The following FARP1 variants were observed in gnomAD, a reference collection of about 807,000 sequenced individuals.
FARP1 encodes the protein FERM, ARH/RhoGEF and pleckstrin domain protein 1.
A neutral mutation model predicts 128.8 loss-of-function variants in FARP1; 52 were observed. The observed-to-expected ratio is 0.40, with a 90% CI of 0.32 to 0.51. The LOEUF (loss-of-function observed/expected upper bound fraction) is 0.51, where lower values mean the gene tolerates loss of function less well. Ranked by LOEUF, FARP1 falls within the 20% of genes least tolerant of loss-of-function variation. The pLI is 0.45. For missense variants in FARP1, 1,333 were observed against 1,367.9 expected, an observed-to-expected ratio of 0.97 and a Z score of 0.40; for synonymous variants, 580 against 551.8, an observed-to-expected ratio of 1.05 and a Z score of -0.72.
chr13:98,448,221 G>A lies in FARP1; in HGVS notation c.3057-15G>A, dbSNP rs758536289. On this transcript the variant is annotated splice_polypyrimidine_tract_variant and intron_variant, in intron 26 of 26. Transcript: ENST00000319562. ...CCAAACAAAAGGTTGACTAACTGGC[G>A]TTCCCGTGTTGCAGGTGGATGGAAG... is the stretch of plus-strand genomic sequence containing the variant. The A allele has an allele frequency of 1.6e-5, 26 of 1,610,970 alleles. No individual in the cohort carries two copies. The East Asian group carries it at 3.1e-4, about 19-fold the overall frequency.
chr13:98,335,623 C>G (rs1887706835), intron 2 of FARP1, among the ~76,000 whole-genome samples: 2 of 152,156 alleles, frequency 1.3e-5, no homozygotes, highest in African/African-American at 2.4e-5. Context: ...TCTTGCTTTC[C>G]TTTCTGTCTG....
intron 6 of FARP1, among the ~76,000 whole-genome samples, chr13:98,378,951 TATATATA>T (rs1889722070): frequency 9.0e-6 from 1 of 110,652 alleles, no homozygotes; most frequent in Non-Finnish European, 1.7e-5. Context: ...ATATATAATA[TATATATA>T]ATATATACAA....
chr13:98,370,610 G>T (rs1329062418), intron 5 of FARP1, among the ~76,000 whole-genome samples: 2 of 151,822 alleles, frequency 1.3e-5, no homozygotes, highest in Non-Finnish European at 2.9e-5. Flanking sequence ...ACTAAAATGA[G>T]AAAAGGATGG....
chr13:98,166,725 T>TTTC (rs1877290178), intron 1 of FARP1, among the ~76,000 whole-genome samples: 1 of 97,438 alleles, frequency 1.0e-5, no homozygotes, highest in African/African-American at 8.7e-5. Context: ...TTTTTCTTTC[T>TTTC]TTTTTTTTTT....
chr13:98,197,233 G>A (rs1879616162), intron 1 of FARP1, among the ~76,000 whole-genome samples: 2 of 152,170 alleles, frequency 1.3e-5, no homozygotes, highest in Admixed American at 1.3e-4. Flanking sequence ...TTGGGAGGCC[G>A]AGGTGGGTGG....
chr13:98,256,948 GATATATATATATATATATATAT>G lies in FARP1; in HGVS notation c.171+43557_171+43578del, dbSNP rs56701739. 2.5e-3 allele frequency among the ~76,000 whole-genome samples: 190 copies of G among 77,096 alleles called. 9 individuals are homozygous for G. The highest frequency in any genetic ancestry group is 5.2e-3 in the South Asian group (10 of 1,914). 50.6% of individuals were successfully genotyped at this position (77,096 alleles called of 152,430 possible). On this transcript the variant is annotated intron_variant, in intron 2 of 26. Transcript: ENST00000319562. ...CAATAATTTTCAAAGTATATATGTG[GATATATATATATATATATATAT>G]ATATATATATATATATATATACCGA... is the stretch of plus-strand genomic sequence containing the variant.
intron 1 of FARP1, among the ~76,000 whole-genome samples, chr13:98,183,869 C>G (rs1179964611): frequency 6.6e-6 from 1 of 152,148 alleles, no homozygotes; most frequent in Admixed American, 6.5e-5. Flanking sequence ...GCTTGTGTGT[C>G]TCTCTCACAG....
At chr13:98,207,102 C>T (rs116390878) in intron 1 of FARP1, among the ~76,000 whole-genome samples, 2,320 of 152,248 alleles carry the variant, frequency 0.015, 54 homozygotes, top group African/African-American at 0.053. Context: ...GTTCCCTTAG[C>T]GTTCTTAGGA....
At chr13:98,230,165 C>G (rs1454347043) in intron 2 of FARP1, among the ~76,000 whole-genome samples, 1 of 152,174 alleles carries the variant, frequency 6.6e-6, no homozygotes, top group African/African-American at 2.4e-5. Flanking sequence ...TTGTCATTGT[C>G]TGTGAGCCTG....
chr13:98,374,828 A>G (rs751407391), intron 5 of FARP1, among the ~76,000 whole-genome samples: 2 of 152,240 alleles, frequency 1.3e-5, no homozygotes, highest in Non-Finnish European at 2.9e-5. Flanking sequence ...CACTCGTGGT[A>G]GAAGGCAAAG....
At chr13:98,226,472 T>TC (rs1456634155) in intron 2 of FARP1, among the ~76,000 whole-genome samples, 1 of 142,044 alleles carries the variant, frequency 7.0e-6, no homozygotes, top group South Asian at 2.2e-4. Flanking sequence ...GATTAGGACT[T>TC]CATCTTTTTT....
intron 2 of FARP1, among the ~76,000 whole-genome samples, chr13:98,242,847 T>C (rs1882852187): frequency 6.6e-6 from 1 of 152,266 alleles, no homozygotes; most frequent in African/African-American, 2.4e-5. Flanking sequence ...TATGTGTATC[T>C]ACATTATCTG....
chr13:98,223,156 C>T (rs1881530076), intron 2 of FARP1, among the ~76,000 whole-genome samples: 1 of 152,194 alleles, frequency 6.6e-6, no homozygotes, highest in Non-Finnish European at 1.5e-5. Context: ...AGGGAGCCCC[C>T]CAGGAGTGGG....
chr13:98,213,111 G>C, intron 1 of FARP1, 109 bp from the exon 2 acceptor site: 1 of 771,388 alleles, frequency 1.3e-6, no homozygotes, highest in Non-Finnish European at 2.1e-6. Context: ...TGTGATTCCT[G>C]TGCAGGGGAT....
chr13:98,156,098 C>G lies in FARP1; in HGVS notation c.-24+12606C>G, dbSNP rs144026085. ...CATATTTTAAAAATAAAAATAATAC[C>G]TTTTGAATAATGCCCATTATGATAC... is the stretch of plus-strand genomic sequence containing the variant. On this transcript the variant is annotated intron_variant, in intron 1 of 26. Transcript: ENST00000319562. Among the ~76,000 whole-genome samples, 50 of 152,244 alleles carry G rather than the reference C, an allele frequency of 3.3e-4. No individual in the cohort carries two copies. The East Asian group carries it at 7.9e-3, about 24-fold the overall frequency.
At chr13:98,330,536 C>T (rs774058377) in intron 2 of FARP1, among the ~76,000 whole-genome samples, 2 of 152,042 alleles carry the variant, frequency 1.3e-5, no homozygotes, top group South Asian at 2.1e-4. Flanking sequence ...AGGTGGATCA[C>T]CTGAAGTCAG....
At chr13:98,390,427 A>T (rs1890263107) in intron 10 of FARP1, among the ~76,000 whole-genome samples, 1 of 152,182 alleles carries the variant, frequency 6.6e-6, no homozygotes, top group Non-Finnish European at 1.5e-5. Context: ...GTGGACTTGG[A>T]TGTTATTGGT....
intron 16 of FARP1, among the ~76,000 whole-genome samples, chr13:98,412,998 A>G (rs1388481950): frequency 1.3e-5 from 2 of 152,222 alleles, no homozygotes; most frequent in African/African-American, 2.4e-5. Flanking sequence ...AAGGAGCCCT[A>G]TGTGAGGTTG....
intron 2 of FARP1, among the ~76,000 whole-genome samples, chr13:98,305,533 C>T (rs1464655481): frequency 6.6e-6 from 1 of 152,254 alleles, no homozygotes; most frequent in East Asian, 1.9e-4. Flanking sequence ...GGGGTTTCTC[C>T]ATGTTGGTCA....
Sources: gnomAD v4.1 joint callset for allele counts (sites outside exome capture counted in the v4.1 genomes callset) on GRCh38, gnomAD v4.1.1 for gene constraint, MANE v1.5 for transcripts, NCBI Gene and HGNC (gene_info 2026-07-23, HGNC 2026-07-21) for gene names.